The following MESP1 variants were observed in gnomAD, a reference collection of about 807,000 sequenced individuals.
MESP1 encodes mesoderm posterior protein 1.
Under a neutral mutation model 15.2 loss-of-function variants are expected in MESP1, and 22 were observed. That is an observed-to-expected ratio of 1.45 (90% CI 1.04 to 2.07). MESP1 has a LOEUF of 2.07. Ranked by LOEUF, MESP1 falls within the 30% of genes most tolerant of loss-of-function variation. The pLI, the probability that MESP1 is intolerant of heterozygous loss-of-function variation, is 0.00. For missense variants in MESP1, 484 were observed against 411.9 expected (o/e 1.17, Z -1.51); for synonymous variants, 216 against 192.6 (o/e 1.12, Z -1.01).
At chr15:89,735,702 A>T in the MESP1 span, 1 of 766,194 alleles carries the variant, frequency 1.3e-6, no homozygotes, top group East Asian at 2.7e-5. Flanking sequence ...AGAAAGAGAA[A>T]GAACCTGCCT....
the MESP1 span, among the ~76,000 whole-genome samples, chr15:89,732,626 C>T: frequency 1.3e-5 from 2 of 151,920 alleles, no homozygotes; most frequent in African/African-American, 4.8e-5. Context: ...CACACACACA[C>T]ACACACACAC....
downstream of MESP1, among the ~76,000 whole-genome samples, chr15:89,746,712 C>T (rs1967966084): frequency 6.8e-6 from 1 of 148,054 alleles, no homozygotes; most frequent in Non-Finnish European, 1.5e-5. Context: ...CCCGCCTCCA[C>T]ACACACACAG....
At chr15:89,737,691 T>A in the MESP1 span, 1 of 1,614,160 alleles carries the variant, frequency 6.2e-7, no homozygotes, top group South Asian at 1.1e-5. Context: ...AAGCCAGTGT[T>A]TGCTGTGTCT....
the MESP1 span, chr15:89,743,238 G>A: frequency 1.1e-5 from 18 of 1,591,738 alleles, no homozygotes; most frequent in East Asian, 1.3e-4. Flanking sequence ...CTGGGGGCTC[G>A]GGAGCTGGGG....
chr15:89,735,122 C>T, the MESP1 span, among the ~76,000 whole-genome samples: 1 of 152,162 alleles, frequency 6.6e-6, no homozygotes, highest in East Asian at 1.9e-4. Context: ...GCTCAAAGTG[C>T]TGGGCCCCCA....
At chr15:89,750,404 A>G in intron 1 of MESP1, 105 bp downstream of exon 1, 1 of 1,453,616 alleles carries the variant, frequency 6.9e-7, no homozygotes, top group East Asian at 2.5e-5. Flanking sequence ...CCAGGTGGCC[A>G]GGCTGCCGGC....
At chr15:89,744,335 G>A in the MESP1 span, among the ~76,000 whole-genome samples, 8 of 152,278 alleles carry the variant, frequency 5.3e-5, no homozygotes, top group South Asian at 1.7e-3. Flanking sequence ...AGGTATCCCC[G>A]CCTGAGACAC....
Position 89,751,187 on chromosome 15 carries a change from G to A in MESP1, c.45C>T (p.Leu15=), listed in dbSNP as rs535670768. ...GCCGAGTTGGGCCCCAGGCCGCAGAGAGCATCCAGGACTCGGAGAGCGGCG... is the reference window on the plus strand; with the variant it reads ...GCCGAGTTGGGCCCCAGGCCGCAGAAAGCATCCAGGACTCGGAGAGCGGCG... ...LCPPLSESWM[L]SAAWGPTRRP... Residue 15 remains leucine (L), a synonymous_variant, in exon 1 of 2, where the codon CTC becomes CTT. Coordinates refer to ENST00000300057, the MANE Select transcript of MESP1 (RefSeq NM_018670.4). 1,533 of 1,268,594 alleles carry A rather than the reference G, an allele frequency of 1.2e-3. 2 individuals are homozygous for A. Among genetic ancestry groups the A allele is most frequent in the Non-Finnish European group, 1.3e-3 (1,302 of 1,009,354 alleles). The allele number at this position is 1,268,594 out of a possible 1,614,324, so 78.6% of individuals were successfully genotyped here. A position where few individuals can be genotyped will look rare whatever the true frequency, so the allele number is the denominator to read the frequency against.
chr15:89,741,876 C>G, the MESP1 span, among the ~76,000 whole-genome samples: 2 of 152,058 alleles, frequency 1.3e-5, no homozygotes, highest in Non-Finnish European at 2.9e-5. Flanking sequence ...CTCAGCCTCC[C>G]AAGTAGCTGG....
chr15:89,733,456 G>A, the MESP1 span, among the ~76,000 whole-genome samples: 1 of 152,178 alleles, frequency 6.6e-6, no homozygotes, highest in Admixed American at 6.5e-5. Context: ...CAAAACCCAT[G>A]TGAAAACTCA....
Position 89,750,575 on chromosome 15 carries a change from C to A in MESP1, c.657G>T (p.Pro219=), listed in dbSNP as rs2305439. Residue 219 remains proline (P), a synonymous_variant, in exon 1 of 2, where the codon CCG becomes CCT. Coordinates refer to ENST00000300057, the MANE Select transcript of MESP1 (RefSeq NM_018670.4). ...GARAAPEPRD[P]PALFAEAACP... is the part of the protein sequence containing the mutation. The stretch of plus-strand genomic sequence containing the variant: ...ACGCCGCCTCGGCGAACAGCGCAGG[C>A]GGGTCGCGCGGCTCGGGTGCAGCTC... 119,738 of 1,433,414 alleles carry A rather than the reference C, an allele frequency of 0.084. 6,050 individuals are homozygous for A. The highest frequency in any genetic ancestry group is 0.21 in the Admixed American group (7,472 of 36,416). The allele number at this position is 1,433,414 out of a possible 1,614,324, so 88.8% of individuals were successfully genotyped here. A position where few individuals can be genotyped will look rare whatever the true frequency, so the allele number is the denominator to read the frequency against.
the MESP1 span, chr15:89,732,887 G>T: frequency 9.1e-6 from 8 of 876,736 alleles, 1 homozygote; most frequent in South Asian, 9.1e-5. Flanking sequence ...GGTGCTCATT[G>T]CTTGATTTTG....
the MESP1 span, chr15:89,735,460 G>A: frequency 6.2e-7 from 1 of 1,610,172 alleles, no homozygotes; most frequent in East Asian, 2.2e-5. Context: ...CTTAAAGTAG[G>A]AGAATGTCTG....
At chr15:89,748,359 G>C (rs1055172357), downstream of MESP1, among the ~76,000 whole-genome samples, 1 of 152,146 alleles carries the variant, frequency 6.6e-6, no homozygotes. Flanking sequence ...CCACTCTGTG[G>C]CCAAGCGCCA....
At chr15:89,750,331 C>T (rs1968059109) in intron 1 of MESP1, 104 bp from the exon 2 acceptor site, 6 of 1,547,000 alleles carry the variant, frequency 3.9e-6, no homozygotes, top group South Asian at 1.1e-5. Flanking sequence ...CGAGGGGAGA[C>T]CCAGTCCTCT....
rs144221449 is a variant in MESP1, at chr15:89,750,582, C to T, written c.650G>A (p.Arg217His). The T allele has an allele frequency of 1.3e-3, 1,912 of 1,416,434 alleles. 21 individuals carry two copies. In the African/African-American group the frequency reaches 0.026, roughly 19 times the overall value. 87.7% of individuals were successfully genotyped at this position (1,416,434 alleles called of 1,614,324 possible). Residue 217 changes from arginine (R) to histidine (H), a missense_variant, in exon 1 of 2, where the codon CGC becomes CAC. Transcript: ENST00000300057. The stretch of plus-strand genomic sequence containing the variant: ...CTCGGCGAACAGCGCAGGCGGGTCG[C>T]GCGGCTCGGGTGCAGCTCGGGCTCC... ...CPGARAAPEP[R>H]DPPALFAEAA...
chr15:89,748,966 AGGGGAGAACT>A (rs1201489228), downstream of MESP1: 1 of 152,246 alleles, frequency 6.6e-6, no homozygotes, highest in Non-Finnish European at 1.5e-5. Flanking sequence ...GAAGGAGAGG[AGGGGAGAACT>A]GGGTATCTAT....
downstream of MESP1, among the ~76,000 whole-genome samples, chr15:89,747,916 T>C (rs1189452536): frequency 5.9e-5 from 9 of 152,036 alleles, no homozygotes; most frequent in Non-Finnish European, 1.3e-4. Context: ...CCTCCGGGTG[T>C]GGGATGGGGC....
the MESP1 span, among the ~76,000 whole-genome samples, chr15:89,734,071 C>T: frequency 0.016 from 2,490 of 152,222 alleles, 82 homozygotes; most frequent in African/African-American, 0.057. Flanking sequence ...ATCAACTCCC[C>T]TGAAACCGTT....
Sources: gnomAD v4.1 joint callset for allele counts (sites outside exome capture counted in the v4.1 genomes callset) on GRCh38, gnomAD v4.1.1 for gene constraint, MANE v1.5 for transcripts, NCBI Gene and HGNC (gene_info 2026-07-23, HGNC 2026-07-21) for gene names.